The following CERKL variants were observed in gnomAD, a reference collection of about 807,000 sequenced individuals.
The protein encoded by CERKL is CERK like autophagy regulator.
CERKL carries 61 observed loss-of-function variants against 63.4 expected under a neutral mutation model. The ratio of observed to expected loss-of-function variants is 0.96; its 90% CI spans 0.78 to 1.19. The LOEUF (loss-of-function observed/expected upper bound fraction) is 1.19. Ranked by LOEUF, CERKL falls within the 50% of genes most tolerant of loss-of-function variation. CERKL has a pLI of 0.00. For missense variants in CERKL, 675 were observed against 655.5 expected (o/e 1.03, Z -0.33); for synonymous variants, 250 against 230.5 (o/e 1.08, Z -0.77).
chr2:181,621,836 T>C (rs915476590), intron 1 of CERKL, among the ~76,000 whole-genome samples: 2 of 152,220 alleles, frequency 1.3e-5, no homozygotes, highest in Admixed American at 1.3e-4. Flanking sequence ...GTCAGTTTTT[T>C]TTTAGAAAGA....
At chr2:181,636,478 A>G (rs78510081) in intron 1 of CERKL, among the ~76,000 whole-genome samples, 6 of 151,738 alleles carry the variant, frequency 4.0e-5, no homozygotes, top group Non-Finnish European at 7.4e-5. Flanking sequence ...AAAAAAAAAA[A>G]CAGAAATACT....
chr2:181,649,168 T>C (rs1687794805), intron 1 of CERKL, among the ~76,000 whole-genome samples: 1 of 152,176 alleles, frequency 6.6e-6, no homozygotes. Context: ...AAAAGAGGCT[T>C]ACCTCACCGT....
intron 4 of CERKL, among the ~76,000 whole-genome samples, chr2:181,560,000 T>A (rs1688369614): frequency 6.6e-6 from 1 of 152,216 alleles, no homozygotes; most frequent in African/African-American, 2.4e-5. Context: ...TATGACCACC[T>A]ATTCAGAGAA....
At chr2:181,587,634 C>T (rs1458681448) in intron 2 of CERKL, among the ~76,000 whole-genome samples, 1 of 152,004 alleles carries the variant, frequency 6.6e-6, no homozygotes, top group Non-Finnish European at 1.5e-5. Context: ...AAGTCAACCA[C>T]AAAATTAGTT....
rs970441381 is a variant in CERKL, at chr2:181,550,707, C to A, written c.821-999G>T. On this transcript the variant is annotated intron_variant, in intron 5 of 12. Coordinates refer to ENST00000410087, the MANE Select transcript of CERKL (RefSeq NM_201548.5). The surrounding 1 kb of genome is among the most constrained non-coding windows in gnomAD (Gnocchi z 4.5). ...TTGCTTCAATTTGTGTTACTTTGAA[C>A]TGATATGTACTTGGGTTGCTAAATT... 6.6e-6 allele frequency among the ~76,000 whole-genome samples: 1 copy of A among 152,102 alleles called. No homozygotes were observed. The highest frequency in any genetic ancestry group is 6.6e-5 in the Admixed American group (1 of 15,238).
intron 4 of CERKL, among the ~76,000 whole-genome samples, chr2:181,563,774 C>G (rs990653852): frequency 1.3e-5 from 2 of 151,766 alleles, no homozygotes; most frequent in Admixed American, 1.3e-4. Context: ...AACTATGTTT[C>G]TATTATTCTC....
intron 2 of CERKL, among the ~76,000 whole-genome samples, chr2:181,581,023 A>G (rs1180505541): frequency 2.6e-5 from 4 of 152,134 alleles, no homozygotes; most frequent in Non-Finnish European, 4.4e-5. Context: ...ACCCTGCTAC[A>G]AGGAGGCAAC....
intron 1 of CERKL, among the ~76,000 whole-genome samples, chr2:181,631,900 C>A (rs1460071594): frequency 6.6e-6 from 1 of 152,096 alleles, no homozygotes; most frequent in Non-Finnish European, 1.5e-5. Flanking sequence ...TTAAACTAAA[C>A]CATCTGTAGA....
intron 1 of CERKL, among the ~76,000 whole-genome samples, chr2:181,628,347 G>A (rs534647942): frequency 1.3e-5 from 2 of 152,160 alleles, no homozygotes; most frequent in Non-Finnish European, 2.9e-5. Context: ...AAGAGAAAGA[G>A]GGTGTTTTAA....
rs184426772 is a variant in CERKL at position 181,638,133 on chromosome 2, T to C, written c.238+18636A>G. 1.2e-3 allele frequency among the ~76,000 whole-genome samples: 176 copies of C among 152,334 alleles called. 4 individuals carry two copies. The East Asian group carries it at 0.031, about 27-fold the overall frequency. On this transcript the variant is annotated intron_variant, in intron 1 of 12. Coordinates refer to ENST00000410087, the MANE Select transcript of CERKL (RefSeq NM_201548.5). ...AATTGGAAGTATCAGCATAATCCTATGATACATTTTTTCTTTAAAAACAAA... is the reference window on the plus strand; with the variant it reads ...AATTGGAAGTATCAGCATAATCCTACGATACATTTTTTCTTTAAAAACAAA...
chr2:181,621,865 G>A (rs927652595), intron 1 of CERKL, among the ~76,000 whole-genome samples: 6 of 152,014 alleles, frequency 3.9e-5, no homozygotes, highest in African/African-American at 1.5e-4. Flanking sequence ...ATATCAATAC[G>A]ATGTGACACA....
intron 3 of CERKL, among the ~76,000 whole-genome samples, chr2:181,566,841 G>A (rs1688688749): frequency 6.6e-6 from 1 of 152,126 alleles, no homozygotes; most frequent in South Asian, 2.1e-4. Context: ...ACCACATTTA[G>A]CATTTTCCAG....
chr2:181,542,202 T>C (rs971587692), intron 11 of CERKL, among the ~76,000 whole-genome samples: 4 of 152,152 alleles, frequency 2.6e-5, no homozygotes, highest in Non-Finnish European at 4.4e-5. Context: ...GCAAGGACTT[T>C]GAAGGGTAGT....
chr2:181,553,960 T>C (rs1421508139), intron 5 of CERKL, among the ~76,000 whole-genome samples: 4 of 152,168 alleles, frequency 2.6e-5, no homozygotes, highest in African/African-American at 9.6e-5. Flanking sequence ...GTAATTTTAA[T>C]GTTCTCACAA....
At chr2:181,599,082 G>A (rs1685348896) in intron 2 of CERKL, among the ~76,000 whole-genome samples, 1 of 152,088 alleles carries the variant, frequency 6.6e-6, no homozygotes, top group African/African-American at 2.4e-5. Flanking sequence ...AACAAAATAT[G>A]TATTGCAAGG....
In CERKL at chr2:181,657,016, G is replaced by A; in HGVS notation, c.-10C>T. Reference sequence around the variant, plus strand: ...GCCTCCTCCAGGGCATGGCGGAGTCGCAGGCTGGGCCCGAGCCAGGGGTCC... The same window carrying A: ...GCCTCCTCCAGGGCATGGCGGAGTCACAGGCTGGGCCCGAGCCAGGGGTCC... On this transcript the variant is annotated 5_prime_UTR_variant, in exon 1 of 13. Transcript: ENST00000410087. The A allele has an allele frequency of 6.4e-7, 1 of 1,571,368 alleles. No homozygotes were observed. Among genetic ancestry groups the A allele is most frequent in the Non-Finnish European group, 8.6e-7 (1 of 1,164,074 alleles).
intron 1 of CERKL, among the ~76,000 whole-genome samples, chr2:181,604,329 C>T (rs1176031019): frequency 6.6e-6 from 1 of 151,918 alleles, no homozygotes; most frequent in South Asian, 2.1e-4. Flanking sequence ...AAATGAATTA[C>T]TAGTAAGAAA....
At chr2:181,643,975 A>C in intron 1 of CERKL, among the ~76,000 whole-genome samples, 1 of 152,258 alleles carries the variant, frequency 6.6e-6, no homozygotes, top group East Asian at 1.9e-4. Context: ...CTTGTTAAAC[A>C]GATGTCCCAA....
intron 2 of CERKL, among the ~76,000 whole-genome samples, chr2:181,603,435 A>G (rs374833357): frequency 1.3e-5 from 2 of 152,326 alleles, no homozygotes; most frequent in East Asian, 3.9e-4. Flanking sequence ...CCCTGATGCC[A>G]AAGTCAGACA....
Sources: gnomAD v4.1 joint callset for allele counts (sites outside exome capture counted in the v4.1 genomes callset) on GRCh38, gnomAD v4.1.1 for gene constraint, Gnocchi (gnomAD v3.1) non-coding constraint, MANE v1.5 for transcripts, NCBI Gene and HGNC (gene_info 2026-07-23, HGNC 2026-07-21) for gene names.